The following MAF variants were observed in gnomAD, a reference collection of about 807,000 sequenced individuals.
MAF encodes the protein transcription factor Maf.
A neutral mutation model predicts 22.0 loss-of-function variants in MAF; 10 were observed. The observed-to-expected ratio is 0.45, with a 90% CI of 0.28 to 0.77. MAF has a LOEUF of 0.77. Among genes scored for constraint, MAF ranks in the 30% least tolerant of loss-of-function variants. MAF has a pLI of 0.12. For missense variants in MAF, 544 were observed against 548.4 expected, an observed-to-expected ratio of 0.99 and a Z score of 0.08; for synonymous variants, 337 against 255.8, an observed-to-expected ratio of 1.32 and a Z score of -3.03.
the MAF span, among the ~76,000 whole-genome samples, chr16:79,221,540 T>G: frequency 1.3e-5 from 2 of 152,228 alleles, no homozygotes; most frequent in African/African-American, 4.8e-5. Context: ...AACCACTGTT[T>G]AAAGTATTAA....
At chr16:79,374,809 A>G in the MAF span, among the ~76,000 whole-genome samples, 1 of 152,182 alleles carries the variant, frequency 6.6e-6, no homozygotes, top group Non-Finnish European at 1.5e-5. Context: ...TTTGTGTTTT[A>G]TAGTATCTCA....
the MAF span, among the ~76,000 whole-genome samples, chr16:79,419,575 C>G: frequency 6.6e-6 from 1 of 152,210 alleles, no homozygotes; most frequent in South Asian, 2.1e-4. Flanking sequence ...GGATGTTCCA[C>G]CTCTTATCTT....
chr16:79,408,094 A>C, the MAF span, among the ~76,000 whole-genome samples: 4 of 151,046 alleles, frequency 2.6e-5, no homozygotes, highest in African/African-American at 9.8e-5. Flanking sequence ...AAAAAAAAAA[A>C]AAAAAACCTA....
chr16:79,472,926 C>G, the MAF span, among the ~76,000 whole-genome samples: 1 of 151,906 alleles, frequency 6.6e-6, no homozygotes, highest in Non-Finnish European at 1.5e-5. Flanking sequence ...TGGGTGTGTA[C>G]CGAGGCCCGG....
the MAF span, among the ~76,000 whole-genome samples, chr16:79,378,012 C>G: frequency 3.3e-5 from 5 of 152,138 alleles, no homozygotes; most frequent in Non-Finnish European, 1.5e-5. Flanking sequence ...GTGATGAGGG[C>G]TCTTTTTTGG....
chr16:79,408,661 C>A, the MAF span, among the ~76,000 whole-genome samples: 2 of 151,112 alleles, frequency 1.3e-5, no homozygotes, highest in Non-Finnish European at 2.9e-5. Context: ...TCTTTTTTCA[C>A]TTCCTTCCTC....
At chr16:79,294,855 C>G in the MAF span, among the ~76,000 whole-genome samples, 1 of 152,126 alleles carries the variant, frequency 6.6e-6, no homozygotes, top group Admixed American at 6.5e-5. Flanking sequence ...GGCATCAACT[C>G]AGCTTAAAAG....
At chr16:79,547,957 T>G in the MAF span, among the ~76,000 whole-genome samples, 1 of 108,468 alleles carries the variant, frequency 9.2e-6, no homozygotes, top group Non-Finnish European at 2.2e-5. Context: ...GCATCGATGG[T>G]ATAGGAAGGC....
chr16:79,494,220 A>C, the MAF span, among the ~76,000 whole-genome samples: 1 of 152,166 alleles, frequency 6.6e-6, no homozygotes, highest in Non-Finnish European at 1.5e-5. Flanking sequence ...TATGACTCTC[A>C]CCTAATGAAA....
chr16:79,377,371 GTTGT>G, the MAF span, among the ~76,000 whole-genome samples: 114 of 152,168 alleles, frequency 7.5e-4, no homozygotes, highest in Non-Finnish European at 1.1e-3. Context: ...TGTTGATGGG[GTTGT>G]TTGTTTTTTC....
chr16:79,207,169 C>CA, the MAF span, among the ~76,000 whole-genome samples: 1 of 152,326 alleles, frequency 6.6e-6, no homozygotes, highest in South Asian at 2.1e-4. Context: ...ACCGCAGCAG[C>CA]TCTCTGATAA....
the MAF span, among the ~76,000 whole-genome samples, chr16:79,522,312 G>A: frequency 1.3e-5 from 2 of 152,162 alleles, no homozygotes; most frequent in Non-Finnish European, 1.5e-5. Flanking sequence ...TCCTGCCTAT[G>A]CAAGGCAGTT....
At chr16:79,545,756 T>C in the MAF span, among the ~76,000 whole-genome samples, 2 of 151,202 alleles carry the variant, frequency 1.3e-5, no homozygotes, top group African/African-American at 2.4e-5. Flanking sequence ...GGATGGGGAG[T>C]GGGGGAGATG....
chr16:79,571,136 T>G, the MAF span, among the ~76,000 whole-genome samples: 134 of 152,168 alleles, frequency 8.8e-4, no homozygotes, highest in African/African-American at 3.1e-3. Context: ...AGTGATCCTT[T>G]GCTACATCCA....
intron 1 of MAF, among the ~76,000 whole-genome samples, chr16:79,587,181 C>T (rs1433620544): frequency 6.6e-6 from 1 of 152,126 alleles, no homozygotes; most frequent in Non-Finnish European, 1.5e-5. Context: ...GCCCTAAACA[C>T]GTTATATGCG....
chr16:79,289,386 G>C, the MAF span, among the ~76,000 whole-genome samples: 1 of 152,140 alleles, frequency 6.6e-6, no homozygotes, highest in East Asian at 1.9e-4. Flanking sequence ...GTGGCAGTGG[G>C]GAGAAGATGG....
the MAF span, among the ~76,000 whole-genome samples, chr16:79,484,823 G>C: frequency 1.3e-5 from 2 of 152,192 alleles, no homozygotes; most frequent in Non-Finnish European, 2.9e-5. Flanking sequence ...GCATGTGTGT[G>C]AATGCATTTT....
intron 1 of MAF, 30 bp from the exon 2 acceptor site, chr16:79,594,583 C>T (rs1455973256): frequency 7.1e-6 from 11 of 1,552,704 alleles, no homozygotes; most frequent in Non-Finnish European, 8.7e-6. Context: ...AATTTTAACA[C>T]TATTTAGACA....
At chr16:79,433,496 A>C in the MAF span, among the ~76,000 whole-genome samples, 1 of 151,860 alleles carries the variant, frequency 6.6e-6, no homozygotes, top group Non-Finnish European at 1.5e-5. Context: ...CTTGGTGGTC[A>C]GTTACTAACC....
Sources: gnomAD v4.1 joint callset for allele counts (sites outside exome capture counted in the v4.1 genomes callset) on GRCh38, gnomAD v4.1.1 for gene constraint, MANE v1.5 for transcripts, NCBI Gene and HGNC (gene_info 2026-07-23, HGNC 2026-07-21) for gene names.